Variants in NPHP4 observed in about 807,000 individuals in gnomAD.
NPHP4 encodes nephrocystin 4.
Under a neutral mutation model 155.8 loss-of-function variants are expected in NPHP4, and 151 were observed. The ratio of observed to expected loss-of-function variants is 0.97; its 90% CI spans 0.85 to 1.11. The LOEUF (loss-of-function observed/expected upper bound fraction) is 1.11, where lower values mean the gene tolerates loss of function less well. NPHP4 is among the 50% of genes least tolerant of loss of function. The pLI is 0.00. For synonymous variants in NPHP4, 845 were observed against 816.8 expected (o/e 1.03, Z -0.59); for missense variants, 1,956 against 1,925.7 (o/e 1.02, Z -0.29).
At chr1:5,980,606 G>A (rs1007971850) in intron 2 of NPHP4, among the ~76,000 whole-genome samples, 2 of 152,160 alleles carry the variant, frequency 1.3e-5, no homozygotes, top group Non-Finnish European at 2.9e-5. Context: ...AGACAGGGAG[G>A]GGCAGGGAGG....
intron 16 of NPHP4, among the ~76,000 whole-genome samples, chr1:5,895,751 T>C (rs917077244): frequency 3.3e-5 from 5 of 152,200 alleles, no homozygotes; most frequent in African/African-American, 4.8e-5. Context: ...AGGTTACTAA[T>C]TGCTGAGATA....
At chr1:5,974,759 G>A (rs762417112) in intron 3 of NPHP4, among the ~76,000 whole-genome samples, 3 of 151,510 alleles carry the variant, frequency 2.0e-5, no homozygotes, top group Non-Finnish European at 2.9e-5. Flanking sequence ...TCAGGACATC[G>A]TTGTTTGCAA....
chr1:5,949,996 A>G (rs1053007551), intron 7 of NPHP4, among the ~76,000 whole-genome samples: 3 of 152,136 alleles, frequency 2.0e-5, no homozygotes, highest in African/African-American at 7.2e-5. Flanking sequence ...AACACAGAAG[A>G]AAAATGGCTG....
intron 10 of NPHP4, among the ~76,000 whole-genome samples, chr1:5,932,604 G>A (rs975144599): frequency 4.6e-5 from 7 of 150,854 alleles, no homozygotes; most frequent in African/African-American, 1.5e-4. Flanking sequence ...AACCCACTTC[G>A]CTCTACTTGT....
chr1:5,873,647 A>G, intron 22 of NPHP4: 3 of 465,834 alleles, frequency 6.4e-6, no homozygotes, highest in Non-Finnish European at 3.8e-6. Context: ...CTCTAGGGAC[A>G]TCTCAAGTCC....
intron 17 of NPHP4, 106 bp from the exon 18 acceptor site, chr1:5,887,572 G>A: frequency 8.1e-7 from 1 of 1,228,054 alleles, no homozygotes; most frequent in Non-Finnish European, 1.1e-6. Context: ...AGCCACTGTG[G>A]GCGGGAGGGG....
chr1:5,864,275 G>T (rs1005974270), intron 28 of NPHP4, 63 bp downstream of exon 28: 2 of 1,464,656 alleles, frequency 1.4e-6, no homozygotes, highest in Non-Finnish European at 1.8e-6. Flanking sequence ...CGAGGTGGGG[G>T]TCCTGCAGTG....
In NPHP4 at chr1:5,880,138, G is replaced by T. The variant is rs767653776; in HGVS notation, c.2587C>A (p.Leu863Ile). The change falls in exon 19 of 30, where the codon CTC becomes ATC. Residue 863 changes from leucine (L) to isoleucine (I), a missense_variant. Physicochemically the swap from Leu to Ile is conservative, Grantham distance 5. Transcript: ENST00000378156. Reference sequence around the variant, plus strand: ...CGCCTTGAGCTTCCAGTCGTGAGGAGGCTGCCTCCAGAGAAGCGGCTGGCT... The same window carrying T: ...CGCCTTGAGCTTCCAGTCGTGAGGATGCTGCCTCCAGAGAAGCGGCTGGCT... ...DGASRFSGGS[L>I]LTTGSSRRKH... is the part of the protein sequence containing the mutation. 11 of 1,613,646 alleles carry T rather than the reference G, an allele frequency of 6.8e-6. No individual in the cohort carries two copies. In the East Asian group the frequency reaches 2.2e-4, roughly 33 times the overall value.
intron 3 of NPHP4, among the ~76,000 whole-genome samples, chr1:5,976,308 T>C (rs1341878612): frequency 2.0e-5 from 3 of 152,066 alleles, no homozygotes; most frequent in Admixed American, 6.5e-5. Context: ...AGGCATGAAA[T>C]GACGGCATGC....
At chr1:5,916,108 C>T (rs79271740) in intron 11 of NPHP4, among the ~76,000 whole-genome samples, 1,783 of 152,282 alleles carry the variant, frequency 0.012, 15 homozygotes, top group Middle Eastern at 0.024. Flanking sequence ...ACCAGAGGAA[C>T]ATTCAAAAGC....
intron 19 of NPHP4, 64 bp from the exon 20 acceptor site, chr1:5,877,362 C>A: frequency 7.2e-7 from 1 of 1,389,546 alleles, no homozygotes; most frequent in Non-Finnish European, 9.8e-7. Context: ...GAGCAGACAC[C>A]AGGGCAGGCC....
At position 5,933,299 on chromosome 1, in the gene NPHP4, C is replaced by CGG. The variant is rs1557768696; in HGVS notation, c.1149_1150insCC (p.Ala384ProfsTer23). 7.4e-6 allele frequency: 12 copies of CGG among 1,613,294 alleles called. No homozygotes were observed. The South Asian group carries it at 1.1e-4, about 15-fold the overall frequency. On this transcript the variant is annotated frameshift_variant, in exon 10 of 30. Coordinates refer to ENST00000378156, the MANE Select transcript of NPHP4 (RefSeq NM_015102.5). LOFTEE classifies it high-confidence loss of function. ...GCCCAGCGGACCATGTGCATGCATG[C>CGG]CAGGTTGGACAGAGAGGTGACCGAA...
chr1:5,955,448 A>G (rs975449078), intron 6 of NPHP4, among the ~76,000 whole-genome samples: 3 of 152,284 alleles, frequency 2.0e-5, no homozygotes, highest in Non-Finnish European at 4.4e-5. Flanking sequence ...TGTTTATTGC[A>G]GCACTATTCA....
chr1:5,910,914 G>C lies in NPHP4; in HGVS notation c.1442-1701C>G, dbSNP rs1381538535. On this transcript the variant is annotated intron_variant, in intron 11 of 29. Coordinates refer to ENST00000378156, the MANE Select transcript of NPHP4 (RefSeq NM_015102.5). This position sits in a 1 kb window ranked among gnomAD's most constrained non-coding sequence, Gnocchi z 5.4. Reference sequence around the variant, plus strand: ...GGCCAGAGGGAGCCCCCAACCCTCAGAGGATCCAACTGCCCAGCCTGGCGG... The same window carrying C: ...GGCCAGAGGGAGCCCCCAACCCTCACAGGATCCAACTGCCCAGCCTGGCGG... 6.6e-6 allele frequency among the ~76,000 whole-genome samples: 1 copy of C among 152,204 alleles called. No individual in the cohort carries two copies. The highest frequency in any genetic ancestry group is 1.5e-5 in the Non-Finnish European group (1 of 68,026).
chr1:5,877,731 G>T (rs1033354738), intron 19 of NPHP4, among the ~76,000 whole-genome samples: 2 of 152,170 alleles, frequency 1.3e-5, no homozygotes, highest in Admixed American at 6.5e-5. Context: ...TTCAGTGAGT[G>T]GGGGGCAGGC....
chr1:5,905,790 A>C lies in NPHP4; in HGVS notation c.1612-7T>G. 6.3e-7 allele frequency: 1 copy of C among 1,599,036 alleles called. No individual in the cohort carries two copies. Among genetic ancestry groups the C allele is most frequent in the Non-Finnish European group, 8.5e-7 (1 of 1,172,296 alleles). On this transcript the variant is annotated splice_region_variant and splice_polypyrimidine_tract_variant and intron_variant, in intron 13 of 29. Coordinates refer to ENST00000378156, the MANE Select transcript of NPHP4 (RefSeq NM_015102.5). The surrounding 1 kb of genome is among the most constrained non-coding windows in gnomAD (Gnocchi z 4.0). The stretch of plus-strand genomic sequence containing the variant: ...CCTCCAACGGGAACTCCTGCTGAAC[A>C]AAACGAGGGCTTCCAAGTGAGGCCA...
rs377729557 is a variant in NPHP4, at chr1:5,874,967, G to A, written c.2951C>T (p.Thr984Met). Reference sequence around the variant, plus strand: ...CTCAAAGAACTCGGCGACCCCCAGCGTGGCGTGGAGCGTGTGCTCCGTGGT... The same window carrying A: ...CTCAAAGAACTCGGCGACCCCCAGCATGGCGTGGAGCGTGTGCTCCGTGGT... ...AITTEHTLHATLGVAEFFEFV... is the reference protein window; with the variant it reads ...AITTEHTLHAMLGVAEFFEFV... Residue 984 changes from threonine (T) to methionine (M), a missense_variant, in exon 21 of 30, where the codon ACG becomes ATG. Physicochemically the swap from Thr to Met is moderately conservative, Grantham distance 81. Transcript: ENST00000378156. 78 of 1,613,092 alleles carry A rather than the reference G, an allele frequency of 4.8e-5. No individual in the cohort carries two copies. The highest frequency in any genetic ancestry group is 2.1e-4 in the African/African-American group (16 of 74,936).
chr1:5,890,877 G>A lies in NPHP4; in HGVS notation c.2295C>T (p.Val765=), dbSNP rs995424284. The part of the protein sequence containing the change: ...DSLLLIGSAA[V]QMKHLLRQGR... Reference sequence around the variant, plus strand: ...TCCAGAGAGCCGCTACCTTCATCTGGACGGCAGCAGATCCGATGAGCAGCA... The same window carrying A: ...TCCAGAGAGCCGCTACCTTCATCTGAACGGCAGCAGATCCGATGAGCAGCA... The change falls in exon 17 of 30, where the codon GTC becomes GTT. Residue 765 remains valine (V), a synonymous_variant. Transcript: ENST00000378156. This position sits in a 1 kb window ranked among gnomAD's most constrained non-coding sequence, Gnocchi z 4.9. The A allele has an allele frequency of 6.2e-7, 1 of 1,609,702 alleles. No homozygotes were observed. The highest frequency in any genetic ancestry group is 8.5e-7 in the Non-Finnish European group (1 of 1,177,520).
chr1:5,883,557 G>A (rs547742412), intron 18 of NPHP4, among the ~76,000 whole-genome samples: 5 of 152,340 alleles, frequency 3.3e-5, no homozygotes, highest in Admixed American at 1.3e-4. Flanking sequence ...CACGTCCCGA[G>A]GACCTGCTCC....
Sources: gnomAD v4.1 joint callset for allele counts (sites outside exome capture counted in the v4.1 genomes callset) on GRCh38, gnomAD v4.1.1 for gene constraint, Gnocchi (gnomAD v3.1) non-coding constraint, MANE v1.5 for transcripts, NCBI Gene and HGNC (gene_info 2026-07-23, HGNC 2026-07-21) for gene names.